The following DNAH14 variants were observed in gnomAD, a reference collection of about 807,000 sequenced individuals.
DNAH14 encodes axonemal beta dynein heavy chain 14.
DNAH14 carries 478 observed loss-of-function variants against 520.9 expected under a neutral mutation model. That is an observed-to-expected ratio of 0.92 (90% CI 0.85 to 0.99). The LOEUF is 0.99. Ranked by LOEUF, DNAH14 falls within the 50% of genes least tolerant of loss-of-function variation. The pLI, the probability that DNAH14 is intolerant of heterozygous loss-of-function variation, is 0.00. For synonymous variants in DNAH14, 1,581 were observed against 1,757.2 expected (o/e 0.90, Z 2.51); for missense variants, 4,831 against 5,234.5 (o/e 0.92, Z 2.38).
intron 84 of DNAH14, chr1:225,398,066 A>AAAAAC (rs1558636793): frequency 6.7e-6 from 1 of 150,224 alleles, no homozygotes; most frequent in African/African-American, 2.4e-5. Context: ...AAAAAAAAAA[A>AAAAAC]AAACCCCTCC....
intron 1 of DNAH14, among the ~76,000 whole-genome samples, chr1:224,939,758 T>TA (rs2059287820): frequency 6.6e-6 from 1 of 152,114 alleles, no homozygotes. Context: ...AGAGAAGACT[T>TA]AGAATATTGA....
intron 1 of DNAH14, among the ~76,000 whole-genome samples, chr1:224,940,977 G>C (rs1346908282): frequency 6.6e-6 from 1 of 152,026 alleles, no homozygotes; most frequent in East Asian, 1.9e-4. Flanking sequence ...CGCAATTAAC[G>C]TACCTGTGCA....
At chr1:225,338,022 A>G (rs1314034769) in intron 67 of DNAH14, 39 bp from the exon 68 acceptor site, 1 of 1,486,912 alleles carries the variant, frequency 6.7e-7, no homozygotes, top group Non-Finnish European at 8.9e-7. Flanking sequence ...AATTTGTTTT[A>G]AGATGATTTT....
chr1:224,997,620 A>G (rs1317263010), intron 8 of DNAH14, among the ~76,000 whole-genome samples: 1 of 152,066 alleles, frequency 6.6e-6, no homozygotes, highest in African/African-American at 2.4e-5. Context: ...TTTTACTGAT[A>G]TCAGTCTGTG....
chr1:225,389,059 C>A (rs2095873813), intron 82 of DNAH14, among the ~76,000 whole-genome samples: 1 of 152,176 alleles, frequency 6.6e-6, no homozygotes, highest in African/African-American at 2.4e-5. Context: ...CGCCCAGCCA[C>A]ATGTAATTTT....
chr1:225,317,749 A>G (rs1031962707), intron 60 of DNAH14, among the ~76,000 whole-genome samples: 5 of 152,202 alleles, frequency 3.3e-5, no homozygotes, highest in African/African-American at 1.2e-4. Context: ...TATACATCTA[A>G]TAAGTGGAAA....
intron 15 of DNAH14, among the ~76,000 whole-genome samples, chr1:225,044,461 GT>G (rs1038181069): frequency 9.9e-5 from 15 of 152,074 alleles, no homozygotes; most frequent in African/African-American, 3.1e-4. Context: ...CTTCTTAAAA[GT>G]TGCATCATTC....
intron 1 of DNAH14, among the ~76,000 whole-genome samples, chr1:224,933,633 A>G (rs1031616150): frequency 2.0e-5 from 3 of 152,130 alleles, no homozygotes; most frequent in African/African-American, 4.8e-5. Flanking sequence ...AGTTTTTATC[A>G]TGAAGCAATG....
At chr1:225,138,900 C>T (rs1417826184) in intron 27 of DNAH14, among the ~76,000 whole-genome samples, 1 of 152,132 alleles carries the variant, frequency 6.6e-6, no homozygotes, top group African/African-American at 2.4e-5. Context: ...AATTCACTTG[C>T]CCCTTTTAAT....
In DNAH14 at chr1:225,192,822, A is replaced by C. The variant is rs762076095; in HGVS notation, c.5797A>C (p.Ile1933Leu). 1.9e-6 allele frequency: 3 copies of C among 1,550,338 alleles called. No individual in the cohort carries two copies. The highest frequency in any genetic ancestry group is 2.6e-6 in the Non-Finnish European group (3 of 1,146,120). ...GACTGATGGATTATTATCAGCAACA[A>C]TTCGAAGTTATGTATATTTTAACAC... is the stretch of plus-strand genomic sequence containing the variant. ...EWTDGLLSAT[I>L]RSYVYFNTPK... The change falls in exon 38 of 86, where the codon ATT becomes CTT. Residue 1933 changes from isoleucine (I) to leucine (L), a missense_variant. By Grantham distance (5) the Ile-to-Leu change is conservative. Transcript: ENST00000682510.
chr1:225,042,781 T>C (rs141371882), intron 12 of DNAH14, 54 bp from the exon 13 acceptor site: 1 of 1,487,262 alleles, frequency 6.7e-7, no homozygotes, highest in East Asian at 2.5e-5. Context: ...CTAAATTAAA[T>C]GTTCTGTAAG....
Position 225,048,848 on chromosome 1 carries a change from C to G in DNAH14, c.1913-1362C>G, listed in dbSNP as rs567046746. On this transcript the variant is annotated intron_variant, in intron 15 of 85. Transcript: ENST00000682510. ...CAGCAATCTATGAATTCCAGTTGCT[C>G]CATATCTTTGCCAGCACTTGGTATT... 3.9e-5 allele frequency among the ~76,000 whole-genome samples: 6 copies of G among 152,116 alleles called. No homozygotes were observed. In the South Asian group the frequency reaches 1.2e-3, roughly 32 times the overall value.
chr1:225,046,521 A>G (rs750314117), intron 15 of DNAH14, among the ~76,000 whole-genome samples: 2 of 152,178 alleles, frequency 1.3e-5, no homozygotes, highest in African/African-American at 4.8e-5. Flanking sequence ...TCAGATGACT[A>G]ATGATCTGTC....
chr1:224,969,664 C>G (rs912148790), intron 7 of DNAH14: 3 of 276,800 alleles, frequency 1.1e-5, no homozygotes, highest in African/African-American at 6.9e-5. Context: ...GAGGGACCGG[C>G]CGAAGCCATG....
chr1:225,398,739 T>C, intron 85 of DNAH14, 73 bp downstream of exon 85: 3 of 1,492,340 alleles, frequency 2.0e-6, no homozygotes, highest in East Asian at 2.5e-5. Context: ...ACCACTCTTA[T>C]TCCCATTCCC....
chr1:225,196,525 A>C (rs1027887997), intron 38 of DNAH14, among the ~76,000 whole-genome samples: 14 of 152,160 alleles, frequency 9.2e-5, no homozygotes, highest in Non-Finnish European at 1.9e-4. Context: ...TCCTCTGGGT[A>C]GATACCCAGT....
intron 75 of DNAH14, among the ~76,000 whole-genome samples, chr1:225,361,385 A>G (rs1230782988): frequency 6.6e-6 from 1 of 152,224 alleles, no homozygotes; most frequent in African/African-American, 2.4e-5. Flanking sequence ...AGAAATTTTT[A>G]TACATTCAGC....
At chr1:225,315,509 G>A (rs1249929632) in intron 60 of DNAH14, among the ~76,000 whole-genome samples, 2 of 152,062 alleles carry the variant, frequency 1.3e-5, no homozygotes, top group Admixed American at 1.3e-4. Context: ...TCCTTTGGAG[G>A]AGAAGAGGCA....
chr1:225,298,498 C>A (rs1321791914), intron 55 of DNAH14, among the ~76,000 whole-genome samples: 2 of 152,212 alleles, frequency 1.3e-5, no homozygotes, highest in Admixed American at 1.3e-4. Flanking sequence ...GGTTTCCCTG[C>A]TGGCAGGACC....
Sources: gnomAD v4.1 joint callset for allele counts (sites outside exome capture counted in the v4.1 genomes callset) on GRCh38, gnomAD v4.1.1 for gene constraint, MANE v1.5 for transcripts, NCBI Gene and HGNC (gene_info 2026-07-23, HGNC 2026-07-21) for gene names.